The following TJP1 variants were observed in gnomAD, a reference collection of about 807,000 sequenced individuals.
TJP1 encodes tight junction protein ZO-1.
A neutral mutation model predicts 194.2 loss-of-function variants in TJP1; 43 were observed. The ratio of observed to expected loss-of-function variants is 0.22; its 90% CI spans 0.17 to 0.29. The LOEUF (loss-of-function observed/expected upper bound fraction) is 0.29. Among genes scored for constraint, TJP1 ranks in the 10% least tolerant of loss-of-function variants. The pLI is 1.00. For synonymous variants in TJP1, 801 were observed against 779.0 expected, an observed-to-expected ratio of 1.03 and a Z score of -0.47; for missense variants, 1,971 against 2,185.7, an observed-to-expected ratio of 0.90 and a Z score of 1.96.
At position 29,700,708 on chromosome 15, in the gene TJP1, C is replaced by T; in HGVS notation, c.*887G>A. On this transcript the variant is annotated 3_prime_UTR_variant, in exon 28 of 28. Transcript: ENST00000614355. ...ATAGCCAGAAAGAACAGAAAACCAC[C>T]ACTGCCCCTTGTCAAAAAAAAAAAA... 3.4e-6 allele frequency: 1 copy of T among 294,076 alleles called. No individual in the cohort carries two copies. Among genetic ancestry groups the T allele is most frequent in the East Asian group, 5.1e-5 (1 of 19,464 alleles). 18.2% of individuals were successfully genotyped at this position (294,076 alleles called of 1,614,324 possible).
chr15:29,964,497 C>G (rs919153408), intron 1 of TJP1, among the ~76,000 whole-genome samples: 1 of 152,092 alleles, frequency 6.6e-6, no homozygotes, highest in African/African-American at 2.4e-5. Flanking sequence ...TGGATTGATG[C>G]AGCCACAAAG....
rs775202778 is a variant in TJP1, at chr15:29,733,266, T to C, written c.1564A>G (p.Arg522Gly). The C allele has an allele frequency of 1.2e-6, 2 of 1,613,900 alleles. No individual in the cohort carries two copies. The highest frequency in any genetic ancestry group is 2.2e-5 in the East Asian group (1 of 44,858). Residue 522 changes from arginine to glycine, a missense_variant, in exon 13 of 28, where the codon AGA becomes GGA. Arg to Gly is a moderately radical substitution (Grantham distance 125). Transcript: ENST00000614355. ...TCCTTTTCATATTCAAAATGGGTTC[T>C]AATATAGAAAGAATCTCCTACATCT... ...ESDVGDSFYIRTHFEYEKESP... is the reference protein window; with the variant it reads ...ESDVGDSFYIGTHFEYEKESP...
chr15:29,941,737 C>T (rs187526921), intron 2 of TJP1, among the ~76,000 whole-genome samples: 11 of 152,300 alleles, frequency 7.2e-5, no homozygotes, highest in East Asian at 3.9e-4. Flanking sequence ...CCATTGTACA[C>T]GTATCACGTG....
intron 9 of TJP1, 72 bp from the exon 10 acceptor site, chr15:29,741,508 A>G (rs1204408417): frequency 4.1e-6 from 4 of 972,364 alleles, no homozygotes; most frequent in East Asian, 4.8e-5. Context: ...ACCAAGCAAT[A>G]TATGATTCAT....
intron 1 of TJP1, among the ~76,000 whole-genome samples, chr15:29,966,880 A>C (rs181220622): frequency 4.1e-3 from 629 of 152,306 alleles, no homozygotes; most frequent in Non-Finnish European, 4.6e-3. Context: ...AGCGATCTTC[A>C]AATGTTACCC....
intron 2 of TJP1, among the ~76,000 whole-genome samples, chr15:29,894,506 T>C (rs561098088): frequency 2.6e-4 from 40 of 152,162 alleles, no homozygotes; most frequent in Non-Finnish European, 4.7e-4. Context: ...TAAAGGAATA[T>C]GAACATAGGT....
At chr15:29,753,087 A>G (rs2045395152) in intron 8 of TJP1, among the ~76,000 whole-genome samples, 1 of 152,170 alleles carries the variant, frequency 6.6e-6, no homozygotes, top group African/African-American at 2.4e-5. Context: ...TCTTTATAGC[A>G]TTTAACCACT....
At chr15:29,818,078 G>A (rs1349387996) in intron 1 of TJP1, among the ~76,000 whole-genome samples, 1 of 151,332 alleles carries the variant, frequency 6.6e-6, no homozygotes, top group African/African-American at 2.4e-5. Flanking sequence ...ATGTAAATCA[G>A]TGTAACAGTA....
intron 1 of TJP1, among the ~76,000 whole-genome samples, chr15:29,803,520 A>G (rs991422204): frequency 6.6e-6 from 1 of 152,196 alleles, no homozygotes; most frequent in Non-Finnish European, 1.5e-5. Context: ...TTTTTGACGT[A>G]AAGTATTTTC....
chr15:29,968,345 A>T (rs995393675), intron 1 of TJP1: 2 of 985,288 alleles, frequency 2.0e-6, no homozygotes, highest in African/African-American at 3.5e-5. Flanking sequence ...ATGGAGCAGA[A>T]AGGACAGACA....
chr15:29,774,919 T>A (rs1207381316), intron 2 of TJP1, among the ~76,000 whole-genome samples: 2 of 151,752 alleles, frequency 1.3e-5, no homozygotes, highest in Non-Finnish European at 3.0e-5. Flanking sequence ...TTCTCCCTTA[T>A]CCTCGGTTTC....
At chr15:29,817,933 G>A (rs2050046608) in intron 1 of TJP1, among the ~76,000 whole-genome samples, 1 of 151,816 alleles carries the variant, frequency 6.6e-6, no homozygotes, top group Non-Finnish European at 1.5e-5. Context: ...GGGTTCATAG[G>A]TGCAGCAAAC....
intron 4 of TJP1, among the ~76,000 whole-genome samples, chr15:29,771,686 T>A (rs2046690807): frequency 6.6e-6 from 1 of 151,738 alleles, no homozygotes; most frequent in Non-Finnish European, 1.5e-5. Flanking sequence ...GCGCCTGTAG[T>A]CCCAGCTACT....
intron 2 of TJP1, among the ~76,000 whole-genome samples, chr15:29,955,367 T>C (rs1388677696): frequency 6.6e-6 from 1 of 152,158 alleles, no homozygotes; most frequent in Non-Finnish European, 1.5e-5. Flanking sequence ...TTCTAGTATT[T>C]GCTTTATGGC....
chr15:29,908,737 G>A (rs987778206), intron 2 of TJP1, among the ~76,000 whole-genome samples: 3 of 152,088 alleles, frequency 2.0e-5, no homozygotes, highest in South Asian at 2.1e-4. Flanking sequence ...AAAGAGGCTC[G>A]GCCGGGCACA....
chr15:29,784,335 TCTC>T (rs1489327310), intron 2 of TJP1, among the ~76,000 whole-genome samples: 1 of 152,090 alleles, frequency 6.6e-6, no homozygotes, highest in Non-Finnish European at 1.5e-5. Context: ...GTTTCGCTCT[TCTC>T]CTCCAGGCTG....
intron 1 of TJP1, among the ~76,000 whole-genome samples, chr15:29,967,777 C>G (rs1230047511): frequency 2.0e-5 from 3 of 152,210 alleles, no homozygotes; most frequent in Admixed American, 1.3e-4. Context: ...TCTCTACAAC[C>G]TTAGGATTAA....
intron 2 of TJP1, among the ~76,000 whole-genome samples, chr15:29,863,232 G>A (rs1214068387): frequency 6.6e-6 from 1 of 151,946 alleles, no homozygotes; most frequent in East Asian, 2.0e-4. Flanking sequence ...GGAGGCGGAT[G>A]TTGCAGTGAG....
At chr15:29,705,261 G>T (rs1458942608) in intron 26 of TJP1, among the ~76,000 whole-genome samples, 1 of 152,216 alleles carries the variant, frequency 6.6e-6, no homozygotes, top group Non-Finnish European at 1.5e-5. Context: ...AGCCTAGGCT[G>T]CTCAGCAGGT....
Sources: allele counts gnomAD v4.1 joint callset (sites outside exome capture counted in the v4.1 genomes callset), GRCh38; gene constraint gnomAD v4.1.1; transcripts MANE v1.5; gene names NCBI Gene and HGNC (gene_info 2026-07-23, HGNC 2026-07-21).